Variants in DRD2 observed in about 807,000 individuals in gnomAD.
DRD2 encodes the protein dopamine receptor D2.
Under a neutral mutation model 38.0 loss-of-function variants are expected in DRD2, and 8 were observed. The ratio of observed to expected loss-of-function variants is 0.21; its 90% CI spans 0.12 to 0.38. DRD2 has a LOEUF of 0.38. Among genes scored for constraint, DRD2 ranks in the 10% least tolerant of loss-of-function variants. The pLI is 1.00. For missense variants in DRD2, 403 were observed against 607.7 expected (o/e 0.66, Z 3.54); for synonymous variants, 230 against 238.6 (o/e 0.96, Z 0.33).
At chr11:113,435,634 C>A (rs559886776) in intron 1 of DRD2, among the ~76,000 whole-genome samples, 1 of 150,568 alleles carries the variant, frequency 6.6e-6, no homozygotes, top group African/African-American at 2.5e-5. Context: ...TTCCTCCCCC[C>A]GCCCCCCCAC....
At chr11:113,462,886 A>G (rs1401122497) in intron 1 of DRD2, among the ~76,000 whole-genome samples, 2 of 152,172 alleles carry the variant, frequency 1.3e-5, no homozygotes, top group African/African-American at 4.8e-5. Context: ...TAGATGGAAC[A>G]CCCAGAAACT....
intron 1 of DRD2, among the ~76,000 whole-genome samples, chr11:113,431,064 T>C (rs1201900402): frequency 2.6e-5 from 4 of 152,160 alleles, no homozygotes; most frequent in African/African-American, 9.7e-5. Flanking sequence ...CCAAATGTCA[T>C]CTCCATCTTT....
chr11:113,432,951 A>G (rs926857688), intron 1 of DRD2, among the ~76,000 whole-genome samples: 2 of 152,196 alleles, frequency 1.3e-5, no homozygotes, highest in African/African-American at 2.4e-5. Context: ...ACCTCAGCAG[A>G]TGGCAGAGGA....
intron 1 of DRD2, among the ~76,000 whole-genome samples, chr11:113,433,782 T>A (rs1951011670): frequency 6.6e-6 from 1 of 152,156 alleles, no homozygotes; most frequent in Non-Finnish European, 1.5e-5. Flanking sequence ...TGGCCCAGCT[T>A]GAGGTTGGCA....
intron 1 of DRD2, among the ~76,000 whole-genome samples, chr11:113,464,435 C>T (rs1484167367): frequency 1.3e-5 from 2 of 152,214 alleles, no homozygotes; most frequent in African/African-American, 2.4e-5. Flanking sequence ...TTGTCACTGC[C>T]ATCCATACAT....
At chr11:113,430,291 C>T (rs1023783454) in intron 1 of DRD2, among the ~76,000 whole-genome samples, 3 of 152,126 alleles carry the variant, frequency 2.0e-5, no homozygotes, top group African/African-American at 7.2e-5. Flanking sequence ...CTGCTATAGC[C>T]GATGACTGTC....
chr11:113,425,363 T>A (rs1276457195), intron 1 of DRD2, among the ~76,000 whole-genome samples: 1 of 152,146 alleles, frequency 6.6e-6, no homozygotes, highest in Non-Finnish European at 1.5e-5. Context: ...GGAAGCAGTA[T>A]ATGCAAAGCA....
intron 1 of DRD2, among the ~76,000 whole-genome samples, chr11:113,445,709 T>A (rs544776413): frequency 6.6e-6 from 1 of 152,342 alleles, no homozygotes; most frequent in African/African-American, 2.4e-5. Flanking sequence ...AATTGATCCA[T>A]TTTTCGTAGC....
At chr11:113,422,819 C>T (rs1213202134) in intron 2 of DRD2, among the ~76,000 whole-genome samples, 11 of 152,294 alleles carry the variant, frequency 7.2e-5, no homozygotes, top group Middle Eastern at 3.4e-3. Flanking sequence ...GTCTCGCCTC[C>T]TCACCTGAGC....
chr11:113,424,532 C>A lies in DRD2; in HGVS notation c.120G>T (p.Leu40=), dbSNP rs1950919926. The change falls in exon 2 of 8, where the codon CTG becomes CTT. Residue 40 remains leucine, a synonymous_variant. Transcript: ENST00000362072. ...CGATGACAGCGATGAGCAGGGTGAG[C>A]AGTGTGGCATAGTAGTTGTAGTGGG... ...DRPHYNYYAT[L]LTLLIAVIVF... is the part of the protein sequence containing the mutation. 6.2e-7 allele frequency: 1 copy of A among 1,614,100 alleles called. No individual in the cohort carries two copies. The highest frequency in any genetic ancestry group is 1.3e-5 in the African/African-American group (1 of 74,930).
intron 1 of DRD2, 170 bp from the exon 2 acceptor site, chr11:113,424,852 A>G (rs1950924715): frequency 1.5e-6 from 1 of 669,798 alleles, no homozygotes; most frequent in Non-Finnish European, 2.5e-6. Flanking sequence ...CTCTTTTGCT[A>G]GCAAGTTTTT....
At chr11:113,456,790 GT>G (rs1386125752) in intron 1 of DRD2, among the ~76,000 whole-genome samples, 5 of 152,154 alleles carry the variant, frequency 3.3e-5, no homozygotes, top group Non-Finnish European at 4.4e-5. Context: ...GAGCTTCAGT[GT>G]TTCAAGACGA....
At chr11:113,443,292 A>T (rs994947371) in intron 1 of DRD2, among the ~76,000 whole-genome samples, 2 of 151,966 alleles carry the variant, frequency 1.3e-5, no homozygotes, top group African/African-American at 4.8e-5. Context: ...TTCATAGTAC[A>T]CTATTGGCTC....
intron 1 of DRD2, among the ~76,000 whole-genome samples, chr11:113,471,113 T>C (rs900808771): frequency 3.3e-5 from 5 of 152,244 alleles, no homozygotes; most frequent in African/African-American, 1.2e-4. Context: ...CTTATAGTTT[T>C]ATTACTCCTC....
At chr11:113,473,446 A>C (rs895929535) in intron 1 of DRD2, among the ~76,000 whole-genome samples, 1 of 152,294 alleles carries the variant, frequency 6.6e-6, no homozygotes, top group Non-Finnish European at 1.5e-5. Context: ...AAAGAAAAAA[A>C]CCCTTAGAGA....
chr11:113,424,791 A>G (rs1325925069), intron 1 of DRD2, 109 bp from the exon 2 acceptor site: 4 of 1,145,332 alleles, frequency 3.5e-6, no homozygotes, highest in Non-Finnish European at 4.9e-6. Flanking sequence ...CCAACTCGGG[A>G]TTTTAAGGTT....
Position 113,418,097 on chromosome 11 carries a change from T to C in DRD2, c.325A>G (p.Ile109Val). Residue 109 changes from isoleucine (I) to valine (V), a missense_variant, in exon 3 of 8, where the codon ATC becomes GTC. By Grantham distance (29) the Ile-to-Val change is conservative (BLOSUM62 3). Coordinates refer to ENST00000362072, the MANE Select transcript of DRD2 (RefSeq NM_000795.4). ...EWKFSRIHCD[I>V]FVTLDVMMCT... Reference sequence around the variant, plus strand: ...ATCATGACGTCCAGAGTGACGAAGATGTCACAGTGAATCCTGCTGAATTTC... The same window carrying C: ...ATCATGACGTCCAGAGTGACGAAGACGTCACAGTGAATCCTGCTGAATTTC... 1.2e-6 allele frequency: 2 copies of C among 1,614,210 alleles called. No homozygotes were observed. Among genetic ancestry groups the C allele is most frequent in the Non-Finnish European group, 1.7e-6 (2 of 1,180,050 alleles).
intron 7 of DRD2, among the ~76,000 whole-genome samples, chr11:113,411,274 G>T (rs926730352): frequency 2.0e-5 from 3 of 152,178 alleles, no homozygotes; most frequent in Non-Finnish European, 2.9e-5. Flanking sequence ...ATAGACCCAT[G>T]CCACTTAGTT....
At chr11:113,419,471 C>CACAT (rs1555165136) in intron 2 of DRD2, among the ~76,000 whole-genome samples, 39 of 150,444 alleles carry the variant, frequency 2.6e-4, no homozygotes, top group South Asian at 1.5e-3. Flanking sequence ...CACACACACA[C>CACAT]ATGAACGCAC....
Sources: gnomAD v4.1 joint callset for allele counts (sites outside exome capture counted in the v4.1 genomes callset) on GRCh38, gnomAD v4.1.1 for gene constraint, MANE v1.5 for transcripts, NCBI Gene and HGNC (gene_info 2026-07-23, HGNC 2026-07-21) for gene names.